IDI2: variants seen among roughly 807,000 people sequenced by gnomAD.
The protein encoded by IDI2 is isopentenyl-diphosphate delta isomerase 2.
IDI2 carries 18 observed loss-of-function variants against 14.8 expected under a neutral mutation model. The observed-to-expected ratio is 1.22, with a 90% CI of 0.84 to 1.80. The LOEUF is 1.80. Among genes scored for constraint, IDI2 ranks in the 40% most tolerant of loss-of-function variants. The pLI, the probability that IDI2 is intolerant of heterozygous loss-of-function variation, is 0.00. For missense variants in IDI2, 316 were observed against 283.2 expected (o/e 1.12, Z -0.83); for synonymous variants, 133 against 109.6 (o/e 1.21, Z -1.33).
At position 1,024,480 on chromosome 10, in the gene IDI2, G is replaced by A. The variant is rs555692351; in HGVS notation, c.142+102C>T. 3.5e-5 allele frequency: 45 copies of A among 1,292,848 alleles called. No homozygotes were observed. The African/African-American group carries it at 4.8e-4, about 14-fold the overall frequency. The allele number at this position is 1,292,848 out of a possible 1,614,324, so 80.1% of individuals were successfully genotyped here. ...CAAGCACACAGGTGACCCAGTGGTC[G>A]CCTCCTAGCCGGAAAGGCCTAGACT... On this transcript the variant is annotated intron_variant, in intron 2 of 4. Coordinates refer to ENST00000277517, the MANE Select transcript of IDI2 (RefSeq NM_033261.3).
In IDI2 at chr10:1,019,558, C is replaced by T. The variant is rs370074580; in HGVS notation, c.643G>A (p.Val215Met). Residue 215 changes from valine (V) to methionine (M), a missense_variant, in exon 5 of 5, where the codon GTG (valine) becomes ATG (methionine). Physicochemically the swap from Val to Met is conservative, Grantham distance 21 (BLOSUM62 1). Coordinates refer to ENST00000277517, the MANE Select transcript of IDI2 (RefSeq NM_033261.3). ...LYRWWPHLDD[V>M]TPFVELHKIH... ...TTGTGAAGCTCCACAAACGGGGTCA[C>T]GTCATCCAGGTGAGGCCACCACCGG... The T allele has an allele frequency of 1.9e-5, 31 of 1,613,658 alleles. No individual in the cohort carries two copies. The highest frequency in any genetic ancestry group is 1.9e-5 in the Non-Finnish European group (23 of 1,179,916).
intron 1 of IDI2, among the ~76,000 whole-genome samples, chr10:1,025,058 C>CAAA (rs1832191712): frequency 1.0e-5 from 1 of 97,392 alleles, no homozygotes; most frequent in Non-Finnish European, 2.4e-5. Context: ...ACACAAAACA[C>CAAA]ACCGAGGTAA....
intron 4 of IDI2, 96 bp downstream of exon 4, chr10:1,020,671 G>T (rs2132182391): frequency 1.6e-6 from 2 of 1,274,806 alleles, no homozygotes; most frequent in Non-Finnish European, 2.2e-6. Context: ...GCTTCATGAG[G>T]TCAATGGTGT....
rs1184846171 is a variant in IDI2, at chr10:1,019,301, C to T, written c.*216G>A. On this transcript the variant is annotated 3_prime_UTR_variant, in exon 5 of 5. Transcript: ENST00000277517. Reference sequence around the variant, plus strand: ...TGGGACAAAGGAAATGTTAAATTTCCTCCCTGCAACCAGGCAGATGAGAAA... The same window carrying T: ...TGGGACAAAGGAAATGTTAAATTTCTTCCCTGCAACCAGGCAGATGAGAAA... The T allele has an allele frequency of 5.8e-6, 3 of 514,596 alleles. No individual in the cohort carries two copies. The highest frequency in any genetic ancestry group is 3.2e-5 in the East Asian group (1 of 31,032). The allele number at this position is 514,596 out of a possible 1,614,324, so 31.9% of individuals were successfully genotyped here.
At chr10:1,024,766 G>A (rs774484804) in intron 1 of IDI2, 22 bp from the exon 2 acceptor site, 1 of 1,611,410 alleles carries the variant, frequency 6.2e-7, no homozygotes, top group Non-Finnish European at 8.5e-7. Context: ...GCACACAAAT[G>A]CCTCTTTATG....
intron 2 of IDI2, among the ~76,000 whole-genome samples, chr10:1,023,340 G>A (rs867110958): frequency 1.3e-5 from 2 of 152,206 alleles, no homozygotes; most frequent in Middle Eastern, 3.4e-3. Context: ...GCTGGGCGTG[G>A]TGGCAGGTGC....
chr10:1,022,562 G>T, intron 3 of IDI2, 121 bp downstream of exon 3: 1 of 743,210 alleles, frequency 1.3e-6, no homozygotes, highest in Non-Finnish European at 2.4e-6. Context: ...ATTTTCTGCA[G>T]GATGAGCTGC....
intron 1 of IDI2, 108 bp from the exon 2 acceptor site, chr10:1,024,852 T>TCACTTGTA: frequency 1.0e-6 from 1 of 981,138 alleles, no homozygotes; most frequent in Non-Finnish European, 1.5e-6. Flanking sequence ...TCTCTACAAG[T>TCACTTGTA]GACAGCAATT....
At chr10:1,020,318 G>A (rs1336378375) in intron 4 of IDI2, among the ~76,000 whole-genome samples, 5 of 151,880 alleles carry the variant, frequency 3.3e-5, no homozygotes, top group Non-Finnish European at 7.4e-5. Flanking sequence ...TGACTCCCAA[G>A]TAGCTGGGAT....
At chr10:1,021,956 G>A (rs932867622) in intron 3 of IDI2, among the ~76,000 whole-genome samples, 1 of 152,162 alleles carries the variant, frequency 6.6e-6, no homozygotes. Flanking sequence ...CGTAAATGCT[G>A]TTCCCCTCTA....
At chr10:1,020,520 T>C (rs1564474195) in intron 4 of IDI2, among the ~76,000 whole-genome samples, 1 of 152,142 alleles carries the variant, frequency 6.6e-6, no homozygotes, top group Non-Finnish European at 1.5e-5. Context: ...GGTCGACAGA[T>C]TCCTGCACAG....
At chr10:1,022,602 A>G (rs745935798) in intron 3 of IDI2, 81 bp downstream of exon 3, 2 of 1,079,434 alleles carry the variant, frequency 1.9e-6, no homozygotes, top group African/African-American at 3.1e-5. Flanking sequence ...ACTGAGCACC[A>G]GAGAGTTCCT....
At chr10:1,020,391 A>G (rs1487083610) in intron 4 of IDI2, among the ~76,000 whole-genome samples, 1 of 151,878 alleles carries the variant, frequency 6.6e-6, no homozygotes, top group Non-Finnish European at 1.5e-5. Flanking sequence ...GGGTTTCACC[A>G]TGTTGGCCAG....
chr10:1,021,006 C>T (rs995707256), intron 3 of IDI2, 109 bp from the exon 4 acceptor site: 1 of 1,256,622 alleles, frequency 8.0e-7, no homozygotes, highest in Admixed American at 2.3e-5. Context: ...CAGCAGAAGA[C>T]AGCCTGGCGG....
Position 1,019,760 on chromosome 10 carries a change from A to G in IDI2, c.441T>C (p.His147=). The G allele has an allele frequency of 6.2e-7, 1 of 1,612,196 alleles. No individual in the cohort carries two copies. Among genetic ancestry groups the G allele is most frequent in the Non-Finnish European group, 8.5e-7 (1 of 1,178,340 alleles). ...TCACAAGCAGAAGGTAACAAATTTCATGCTCTCCCCAAATTCTGTCTGATT... is the reference window on the plus strand; with the variant it reads ...TCACAAGCAGAAGGTAACAAATTTCGTGCTCTCCCCAAATTCTGTCTGATT... ...KAKSDRIWGE[H]EICYLLLVRK... The change falls in exon 5 of 5, where the codon CAT becomes CAC. Residue 147 remains histidine (H), a synonymous_variant. Coordinates refer to ENST00000277517, the MANE Select transcript of IDI2 (RefSeq NM_033261.3).
chr10:1,022,571 G>T, intron 3 of IDI2, 112 bp downstream of exon 3: 1 of 792,310 alleles, frequency 1.3e-6, no homozygotes, highest in Non-Finnish European at 2.2e-6. Context: ...AGGATGAGCT[G>T]CCAGCTCACC....
At chr10:1,025,458 T>C (rs1356838598) in intron 1 of IDI2, among the ~76,000 whole-genome samples, 1 of 151,692 alleles carries the variant, frequency 6.6e-6, no homozygotes, top group East Asian at 1.9e-4. Context: ...GGAGAATCAC[T>C]TGAACCTGGG....
rs1832039046 is a variant in IDI2 at position 1,018,943 on chromosome 10, A to G, written c.*574T>C. ...CAAGTATGTCTTTATTTGTAAGCAT[A>G]TTACTGAAACGATCAAATGAACAGA... On this transcript the variant is annotated 3_prime_UTR_variant, in exon 5 of 5. Coordinates refer to ENST00000277517, the MANE Select transcript of IDI2 (RefSeq NM_033261.3). The G allele has an allele frequency of 6.6e-6, 1 of 152,592 alleles. No individual in the cohort carries two copies. The highest frequency in any genetic ancestry group is 2.1e-4 in the South Asian group (1 of 4,844). 9.5% of individuals were successfully genotyped at this position (152,592 alleles called of 1,614,324 possible). A position where few individuals can be genotyped will look rare whatever the true frequency, so the allele number is the denominator to read the frequency against.
At chr10:1,024,434 AG>A (rs746497890) in intron 2 of IDI2, 147 bp downstream of exon 2, 1 of 782,452 alleles carries the variant, frequency 1.3e-6, no homozygotes, top group Non-Finnish European at 2.0e-6. Flanking sequence ...CTGCTCCCCG[AG>A]CCTTCTAAAG....
Sources: gnomAD v4.1 joint callset for allele counts (sites outside exome capture counted in the v4.1 genomes callset) on GRCh38, gnomAD v4.1.1 for gene constraint, MANE v1.5 for transcripts, NCBI Gene and HGNC (gene_info 2026-07-23, HGNC 2026-07-21) for gene names.